The following PRKN variants were observed in gnomAD, a reference collection of about 807,000 sequenced individuals.
The protein encoded by PRKN is parkin RBR E3 ubiquitin protein ligase, also known as E3 ubiquitin-protein ligase parkin.
PRKN carries 56 observed loss-of-function variants against 59.5 expected under a neutral mutation model. The ratio of observed to expected loss-of-function variants is 0.94; its 90% confidence interval spans 0.76 to 1.18. The LOEUF is 1.18. Ranked by LOEUF, PRKN falls within the 50% of genes most tolerant of loss-of-function variation. The pLI is 0.00. For synonymous variants in PRKN, 250 were observed against 222.1 expected (o/e 1.13, Z -1.12); for missense variants, 657 against 596.4 (o/e 1.10, Z -1.06).
At chr6:162,328,283 C>A (rs1322584585) in intron 2 of PRKN, among the ~76,000 whole-genome samples, 1 of 151,472 alleles carries the variant, frequency 6.6e-6, no homozygotes, top group Non-Finnish European at 1.5e-5. Context: ...CACTTGAACC[C>A]AGGAGACAGG....
chr6:161,799,183 T>G lies in PRKN; in HGVS notation c.735-13275A>C, dbSNP rs372503656. ...TTCCTATTTGGCCCTTATCAGGACA[T>G]GTTTGCTTATTCCTGTTCGAGGCTG... On this transcript the variant is annotated intron_variant, in intron 6 of 11. Transcript: ENST00000366898. 1.3e-3 allele frequency among the ~76,000 whole-genome samples: 192 copies of G among 152,350 alleles called. 6 individuals are homozygous for G. The South Asian group carries it at 0.039, about 31-fold the overall frequency.
intron 1 of PRKN, among the ~76,000 whole-genome samples, chr6:162,636,789 A>T (rs1777729769): frequency 6.6e-6 from 1 of 151,990 alleles, no homozygotes; most frequent in Admixed American, 6.6e-5. Context: ...GTTCAAGACC[A>T]GCTTGGGCAA....
chr6:162,023,370 C>T (rs572658391), intron 5 of PRKN, among the ~76,000 whole-genome samples: 3 of 152,228 alleles, frequency 2.0e-5, no homozygotes, highest in South Asian at 2.1e-4. Context: ...GTTGGCTTGG[C>T]GAATGGGTGC....
intron 6 of PRKN, among the ~76,000 whole-genome samples, chr6:161,936,096 C>T (rs113079762): frequency 0.013 from 1,919 of 152,210 alleles, 46 homozygotes; most frequent in African/African-American, 0.042. Context: ...AGATGAAACA[C>T]AGCTTTACCA....
chr6:162,687,974 G>A (rs1777633570), intron 1 of PRKN, among the ~76,000 whole-genome samples: 2 of 152,128 alleles, frequency 1.3e-5, no homozygotes, highest in Non-Finnish European at 1.5e-5. Context: ...TGGATGTGGA[G>A]TAAAAAAAAT....
intron 4 of PRKN, among the ~76,000 whole-genome samples, chr6:162,187,013 A>G (rs1414698500): frequency 6.6e-6 from 1 of 152,182 alleles, no homozygotes; most frequent in Non-Finnish European, 1.5e-5. Context: ...ATAATGTTAA[A>G]GGCTAGCTAC....
chr6:162,312,950 T>C (rs1011959040), intron 2 of PRKN, among the ~76,000 whole-genome samples: 1 of 152,128 alleles, frequency 6.6e-6, no homozygotes, highest in African/African-American at 2.4e-5. Flanking sequence ...GAAGAAAATA[T>C]AATTTGAAGG....
intron 5 of PRKN, among the ~76,000 whole-genome samples, chr6:162,014,539 C>G (rs1404477300): frequency 1.3e-5 from 2 of 152,154 alleles, no homozygotes; most frequent in African/African-American, 2.4e-5. Context: ...TGTTGGGTCA[C>G]GCATGTCCGC....
intron 6 of PRKN, among the ~76,000 whole-genome samples, chr6:161,896,649 G>A (rs1325032413): frequency 2.0e-5 from 3 of 152,186 alleles, no homozygotes; most frequent in Admixed American, 6.5e-5. Context: ...GGGGGAGCAG[G>A]GGAGGTGATG....
chr6:162,391,950 A>G (rs1330481000), intron 2 of PRKN, among the ~76,000 whole-genome samples: 1 of 152,158 alleles, frequency 6.6e-6, no homozygotes, highest in African/African-American at 2.4e-5. Context: ...GGCTAAGATT[A>G]TGGATTTTAG....
chr6:161,658,030 A>AAAAAAAAAAAAAAAAAG lies in PRKN; in HGVS notation c.872-88615_872-88614insCTTTTTTTTTTTTTTTT, dbSNP rs781518268. On this transcript the variant is annotated intron_variant, in intron 7 of 11. Coordinates refer to ENST00000366898, the MANE Select transcript of PRKN (RefSeq NM_004562.3). ...GACTCTGTCTCAAAAAAAAAAAAAA[A>AAAAAAAAAAAAAAAAAG]AAAAGAAAAGAAAAGAAAAAAACGG... Among the ~76,000 whole-genome samples, 222 of 104,796 alleles carry AAAAAAAAAAAAAAAAAG rather than the reference A, an allele frequency of 2.1e-3. 4 individuals are homozygous for AAAAAAAAAAAAAAAAAG. Among genetic ancestry groups the AAAAAAAAAAAAAAAAAG allele is most frequent in the East Asian group, 4.5e-3 (14 of 3,142 alleles). 68.8% of individuals were successfully genotyped at this position (104,796 alleles called of 152,430 possible). A position where few individuals can be genotyped will look rare whatever the true frequency, so the allele number is the denominator to read the frequency against.
chr6:161,781,790 C>A (rs1383099318), intron 7 of PRKN, among the ~76,000 whole-genome samples: 1 of 152,048 alleles, frequency 6.6e-6, no homozygotes, highest in African/African-American at 2.4e-5. Context: ...AAAAGAAACA[C>A]CAAAGGATCC....
intron 1 of PRKN, among the ~76,000 whole-genome samples, chr6:162,585,469 G>T (rs56059903): frequency 6.6e-6 from 1 of 152,030 alleles, no homozygotes; most frequent in Admixed American, 6.6e-5. Context: ...TTATTCCATA[G>T]ATATTTACTC....
In PRKN at chr6:161,529,177, G is replaced by A. The variant is rs982663560; in HGVS notation, c.1083+19677C>T. Among the ~76,000 whole-genome samples, 4 of 152,158 alleles carry A rather than the reference G, an allele frequency of 2.6e-5. 1 individual carries two copies. The highest frequency in any genetic ancestry group is 7.2e-5 in the African/African-American group (3 of 41,436). ...CCTTCCTGTTCCAGTGAAATTTAGG[G>A]TATTGAAAGGCAAGAGTCTCATCTT... is the stretch of plus-strand genomic sequence containing the variant. On this transcript the variant is annotated intron_variant, in intron 9 of 11. Coordinates refer to ENST00000366898, the MANE Select transcript of PRKN (RefSeq NM_004562.3). This position sits in a 1 kb window ranked among gnomAD's most constrained non-coding sequence, Gnocchi z 4.4.
chr6:161,890,084 AT>A (rs1186653688), intron 6 of PRKN, among the ~76,000 whole-genome samples: 1 of 152,144 alleles, frequency 6.6e-6, no homozygotes, highest in Non-Finnish European at 1.5e-5. Context: ...CCCAACTTCT[AT>A]TATTCTGCCG....
At chr6:161,878,010 G>T (rs892458289) in intron 6 of PRKN, among the ~76,000 whole-genome samples, 6 of 152,224 alleles carry the variant, frequency 3.9e-5, no homozygotes, top group African/African-American at 1.4e-4. Flanking sequence ...GACACTTGGA[G>T]GTGTTCTCTT....
intron 6 of PRKN, among the ~76,000 whole-genome samples, chr6:161,803,502 C>T (rs1192650093): frequency 1.3e-5 from 2 of 152,164 alleles, no homozygotes; most frequent in Non-Finnish European, 2.9e-5. Flanking sequence ...CTTGGGTAGC[C>T]ACTGGCTTAA....
intron 6 of PRKN, among the ~76,000 whole-genome samples, chr6:161,794,530 C>A (rs1790762215): frequency 6.6e-6 from 1 of 152,122 alleles, no homozygotes; most frequent in Non-Finnish European, 1.5e-5. Context: ...AGTTCTTGGC[C>A]CCAAAATATG....
At chr6:162,144,810 A>G (rs1781951071) in intron 4 of PRKN, among the ~76,000 whole-genome samples, 1 of 152,164 alleles carries the variant, frequency 6.6e-6, no homozygotes, top group Non-Finnish European at 1.5e-5. Context: ...AAAGTCTCAC[A>G]CTGACAGGCC....
Sources: allele counts gnomAD v4.1 joint callset (sites outside exome capture counted in the v4.1 genomes callset), GRCh38; gene constraint gnomAD v4.1.1; non-coding constraint Gnocchi (gnomAD v3.1); transcripts MANE v1.5; gene names NCBI Gene and HGNC (gene_info 2026-07-23, HGNC 2026-07-21).